GABRB1: variants seen among roughly 807,000 people sequenced by gnomAD.
The protein encoded by GABRB1 is gamma-aminobutyric acid type A receptor subunit beta1.
Under a neutral mutation model 51.6 loss-of-function variants are expected in GABRB1, and 17 were observed. The observed-to-expected ratio is 0.33, with a 90% CI of 0.23 to 0.49. The LOEUF (loss-of-function observed/expected upper bound fraction) is 0.49, where lower values mean the gene tolerates loss of function less well. Among genes scored for constraint, GABRB1 ranks in the 20% least tolerant of loss-of-function variants. GABRB1 has a pLI of 0.99. For synonymous variants in GABRB1, 247 were observed against 218.9 expected (o/e 1.13, Z -1.14); for missense variants, 410 against 600.6 (o/e 0.68, Z 3.32).
chr4:47,390,174 G>A (rs1727935197), intron 5 of GABRB1, among the ~76,000 whole-genome samples: 1 of 152,186 alleles, frequency 6.6e-6, no homozygotes, highest in Non-Finnish European at 1.5e-5. Flanking sequence ...ATTTGGCCAG[G>A]GGACTGCTAT....
At chr4:46,996,425 C>A (rs1000675013) in intron 1 of GABRB1, among the ~76,000 whole-genome samples, 4 of 152,042 alleles carry the variant, frequency 2.6e-5, no homozygotes, top group Non-Finnish European at 5.9e-5. Context: ...ATACAGATAA[C>A]CCAACTGCTA....
At chr4:47,298,841 C>A (rs1299942530) in intron 4 of GABRB1, among the ~76,000 whole-genome samples, 3 of 151,956 alleles carry the variant, frequency 2.0e-5, no homozygotes, top group Non-Finnish European at 4.4e-5. Context: ...TCAAACTATA[C>A]TACAAGGCTA....
At chr4:47,244,524 T>C (rs1721663572) in intron 4 of GABRB1, among the ~76,000 whole-genome samples, 1 of 152,212 alleles carries the variant, frequency 6.6e-6, no homozygotes, top group Non-Finnish European at 1.5e-5. Context: ...GGACTTTTTT[T>C]GGTTGGTAGG....
At position 46,997,018 on chromosome 4, in the gene GABRB1, T is replaced by A. The variant is rs1037920829; in HGVS notation, c.-20+3092T>A. 4.9e-4 allele frequency among the ~76,000 whole-genome samples: 74 copies of A among 152,276 alleles called. 1 individual carries two copies. Among genetic ancestry groups the A allele is most frequent in the African/African-American group, 1.7e-3 (70 of 41,582 alleles). The stretch of plus-strand genomic sequence containing the variant: ...AATTTAGAAGCTATTGACAATTTTA[T>A]GTTAATGTATTTCTCTGTCCCTCGT... On this transcript the variant is annotated intron_variant, in intron 1 of 3. Coordinates refer to the GABRB1 transcript ENST00000513567.
At chr4:47,086,321 T>C (rs1318942931) in intron 3 of GABRB1, among the ~76,000 whole-genome samples, 1 of 152,210 alleles carries the variant, frequency 6.6e-6, no homozygotes, top group Non-Finnish European at 1.5e-5. Context: ...TGGAAATTTC[T>C]TATTTAAGAG....
rs576723728 is a variant in GABRB1, at chr4:47,307,912, T to C, written c.462-12215T>C. On this transcript the variant is annotated intron_variant, in intron 4 of 8. Transcript: ENST00000295454. The stretch of plus-strand genomic sequence containing the variant: ...TTTTCATCTATTTAATGAACAAAAA[T>C]ATTACAATATCCAACTGAGAACCAG... Among the ~76,000 whole-genome samples the C allele has an allele frequency of 2.3e-4, 35 of 152,102 alleles. No homozygotes were observed. The South Asian group carries it at 2.9e-3, about 13-fold the overall frequency.
chr4:47,040,514 G>A (rs76959623), intron 3 of GABRB1, among the ~76,000 whole-genome samples: 4,431 of 152,100 alleles, frequency 0.029, 304 homozygotes, highest in East Asian at 0.15. Context: ...GATTGACATC[G>A]GGGCTGCATG....
intron 3 of GABRB1, among the ~76,000 whole-genome samples, chr4:47,043,540 T>C (rs534833896): frequency 2.6e-4 from 39 of 152,178 alleles, no homozygotes; most frequent in South Asian, 1.9e-3. Context: ...ATTATGTGTT[T>C]GCATAGTCAC....
At chr4:47,007,286 TA>T (rs2109435157) in intron 1 of GABRB1, among the ~76,000 whole-genome samples, 1 of 152,342 alleles carries the variant, frequency 6.6e-6, no homozygotes, top group South Asian at 2.1e-4. Flanking sequence ...TAAAGAGAGA[TA>T]TTTCAAAGTG....
chr4:47,092,294 T>A (rs1363339702), intron 3 of GABRB1, among the ~76,000 whole-genome samples: 1 of 148,490 alleles, frequency 6.7e-6, no homozygotes, highest in Non-Finnish European at 1.5e-5. Flanking sequence ...TGTCTCAGCC[T>A]CCTAAATAGC....
At chr4:47,016,254 A>G (rs1242565445) in intron 1 of GABRB1, among the ~76,000 whole-genome samples, 1 of 152,238 alleles carries the variant, frequency 6.6e-6, no homozygotes, top group East Asian at 1.9e-4. Flanking sequence ...ACCAGGCTGC[A>G]AAAGCCAAAA....
At chr4:47,104,969 G>T (rs556818325) in intron 3 of GABRB1, among the ~76,000 whole-genome samples, 1 of 151,874 alleles carries the variant, frequency 6.6e-6, no homozygotes, top group Admixed American at 6.6e-5. Context: ...CATTTATTTT[G>T]TTTTATTTTT....
At chr4:47,149,735 A>G (rs897438164) in intron 3 of GABRB1, among the ~76,000 whole-genome samples, 1 of 142,332 alleles carries the variant, frequency 7.0e-6, no homozygotes, top group Non-Finnish European at 1.5e-5. Context: ...AACTAAGGTT[A>G]TCCAAATTTT....
chr4:47,284,432 CACTT>C (rs1352232812), intron 4 of GABRB1, among the ~76,000 whole-genome samples: 1 of 152,206 alleles, frequency 6.6e-6, no homozygotes, highest in Non-Finnish European at 1.5e-5. Context: ...TTCGTCTGCA[CACTT>C]AGTCATTTCC....
intron 5 of GABRB1, among the ~76,000 whole-genome samples, chr4:47,349,825 T>A (rs1017627350): frequency 1.3e-5 from 2 of 152,220 alleles, no homozygotes; most frequent in Non-Finnish European, 2.9e-5. Flanking sequence ...AGATTTTGAT[T>A]CCCAGCTCTG....
intron 3 of GABRB1, among the ~76,000 whole-genome samples, chr4:47,160,422 G>T (rs1033982225): frequency 2.0e-5 from 3 of 152,118 alleles, no homozygotes; most frequent in African/African-American, 7.2e-5. Flanking sequence ...GTAATTCAAA[G>T]AAAAATCCAG....
chr4:47,205,066 A>G (rs1720058720), intron 4 of GABRB1, among the ~76,000 whole-genome samples: 1 of 152,150 alleles, frequency 6.6e-6, no homozygotes. Context: ...ACACATGTGT[A>G]CATGTATAGA....
At chr4:47,268,996 A>G (rs1722750913) in intron 4 of GABRB1, among the ~76,000 whole-genome samples, 1 of 152,154 alleles carries the variant, frequency 6.6e-6, no homozygotes, top group Non-Finnish European at 1.5e-5. Context: ...TTGGTTTCTC[A>G]TTTGGCAACC....
intron 3 of GABRB1, among the ~76,000 whole-genome samples, chr4:47,114,080 C>T (rs977990677): frequency 6.6e-6 from 1 of 152,184 alleles, no homozygotes; most frequent in African/African-American, 2.4e-5. Flanking sequence ...GTTTACAGTT[C>T]TTATTTGGTT....
Sources: allele counts gnomAD v4.1 joint callset (sites outside exome capture counted in the v4.1 genomes callset), GRCh38; gene constraint gnomAD v4.1.1; transcripts MANE v1.5; gene names NCBI Gene and HGNC (gene_info 2026-07-23, HGNC 2026-07-21).